AUTS2: variants seen among roughly 807,000 people sequenced by gnomAD.
AUTS2 encodes autism susceptibility gene 2 protein.
Under a neutral mutation model 112.4 loss-of-function variants are expected in AUTS2, and 17 were observed. The ratio of observed to expected loss-of-function variants is 0.15; its 90% CI spans 0.10 to 0.23. The LOEUF is 0.23. AUTS2 is among the 10% of genes least tolerant of loss of function. The probability of loss-of-function intolerance (pLI) is 1.00; values close to 1 mark genes in which losing one functional copy is unlikely to be tolerated. For missense variants in AUTS2, 1,510 were observed against 1,701.6 expected, an observed-to-expected ratio of 0.89 and a Z score of 1.98; for synonymous variants, 751 against 702.7, an observed-to-expected ratio of 1.07 and a Z score of -1.09.
Position 69,650,837 on chromosome 7 carries a change from A to G in AUTS2, c.309+50875A>G, listed in dbSNP as rs149740588. Among the ~76,000 whole-genome samples the G allele has an allele frequency of 2.0e-3, 308 of 152,276 alleles. 1 individual carries two copies. The highest frequency in any genetic ancestry group is 6.5e-3 in the African/African-American group (270 of 41,546). The stretch of plus-strand genomic sequence containing the variant: ...TGTCCCTTGGGTCTCACTATGTGGC[A>G]TGCTGTGTTTCATCTCTTTTCTGTC... On this transcript the variant is annotated intron_variant, in intron 1 of 18. Coordinates refer to ENST00000342771, the MANE Select transcript of AUTS2 (RefSeq NM_015570.4).
intron 1 of AUTS2, among the ~76,000 whole-genome samples, chr7:69,653,329 A>T (rs1795375810): frequency 6.6e-6 from 1 of 152,216 alleles, no homozygotes; most frequent in Non-Finnish European, 1.5e-5. Context: ...CAGATTATGG[A>T]GCCTGAAGAA....
intron 4 of AUTS2, among the ~76,000 whole-genome samples, chr7:70,267,852 GC>G (rs1257244463): frequency 1.3e-5 from 2 of 152,128 alleles, no homozygotes; most frequent in Non-Finnish European, 2.9e-5. Context: ...AGTTGACTAG[GC>G]AGGGATTGCT....
In AUTS2 at chr7:70,688,796, C is replaced by T. The variant is rs140705064; in HGVS notation, c.691-9773C>T. Among the ~76,000 whole-genome samples the T allele has an allele frequency of 3.9e-5, 6 of 152,310 alleles. No homozygotes were observed. In the East Asian group the frequency reaches 9.6e-4, roughly 24 times the overall value. ...CTCTGATTGTGCCACTGCACTCTAG[C>T]CTGGGCAACACAGCAAGACGCCATC... On this transcript the variant is annotated intron_variant, in intron 5 of 18. Coordinates refer to ENST00000342771, the MANE Select transcript of AUTS2 (RefSeq NM_015570.4).
intron 2 of AUTS2, among the ~76,000 whole-genome samples, chr7:69,939,612 G>T (rs993866672): frequency 2.6e-5 from 4 of 152,174 alleles, no homozygotes; most frequent in African/African-American, 9.7e-5. Flanking sequence ...CTGAGTTGAT[G>T]AATATTTGAT....
chr7:69,737,406 C>A (rs574003842), intron 1 of AUTS2, among the ~76,000 whole-genome samples: 50 of 152,244 alleles, frequency 3.3e-4, no homozygotes, highest in African/African-American at 1.2e-3. Context: ...GGTTAGATAA[C>A]TTGCTCAAGG....
At chr7:70,745,244 G>A (rs936196647) in intron 6 of AUTS2, among the ~76,000 whole-genome samples, 5 of 151,952 alleles carry the variant, frequency 3.3e-5, no homozygotes, top group Admixed American at 6.6e-5. Context: ...TTAGTCATTC[G>A]GGCATCATTT....
At chr7:69,697,478 AG>A (rs1797607113) in intron 1 of AUTS2, among the ~76,000 whole-genome samples, 1 of 152,222 alleles carries the variant, frequency 6.6e-6, no homozygotes, top group Non-Finnish European at 1.5e-5. Flanking sequence ...CAATATGAGA[AG>A]TGCTGTGGTG....
At chr7:69,623,243 G>A (rs952661211) in intron 1 of AUTS2, among the ~76,000 whole-genome samples, 1 of 152,004 alleles carries the variant, frequency 6.6e-6, no homozygotes, top group Non-Finnish European at 1.5e-5. Context: ...GTGACAGGGG[G>A]ACAAGGTCTC....
intron 2 of AUTS2, among the ~76,000 whole-genome samples, chr7:70,013,282 G>T (rs550575562): frequency 1.3e-5 from 2 of 152,282 alleles, no homozygotes; most frequent in South Asian, 2.1e-4. Context: ...ACTAACTTGG[G>T]CTGGGAAAAA....
intron 2 of AUTS2, among the ~76,000 whole-genome samples, chr7:70,077,802 A>G (rs1311952820): frequency 1.3e-5 from 2 of 152,226 alleles, no homozygotes; most frequent in East Asian, 3.9e-4. Flanking sequence ...CTGGATGGCA[A>G]TACATCGCTC....
intron 1 of AUTS2, among the ~76,000 whole-genome samples, chr7:69,891,094 A>G (rs1340570762): frequency 6.6e-6 from 1 of 152,178 alleles, no homozygotes; most frequent in Non-Finnish European, 1.5e-5. Context: ...AAGACAGCGA[A>G]CATGTTCACC....
At chr7:69,893,123 T>C (rs1794597205) in intron 1 of AUTS2, among the ~76,000 whole-genome samples, 1 of 152,256 alleles carries the variant, frequency 6.6e-6, no homozygotes, top group Admixed American at 6.5e-5. Flanking sequence ...CAGATGGCAA[T>C]GTGTATGCAC....
In AUTS2 at chr7:69,955,972, A is replaced by G. The variant is rs73168771; in HGVS notation, c.522+56474A>G. Among the ~76,000 whole-genome samples, 897 of 152,272 alleles carry G rather than the reference A, an allele frequency of 5.9e-3. 12 individuals are homozygous for G. Among genetic ancestry groups the G allele is most frequent in the Non-Finnish European group, 6.5e-3 (444 of 68,010 alleles). On this transcript the variant is annotated intron_variant, in intron 2 of 18. Coordinates refer to ENST00000342771, the MANE Select transcript of AUTS2 (RefSeq NM_015570.4). ...ACAGTCCTGATTTCCAGTAGCTCCC[A>G]CAACAACTTCATAAGTATCATAGCC...
At chr7:69,733,286 G>A (rs536882062) in intron 1 of AUTS2, among the ~76,000 whole-genome samples, 1 of 152,124 alleles carries the variant, frequency 6.6e-6, no homozygotes. Context: ...AGCAGAGAGG[G>A]AACTGTTTTT....
intron 1 of AUTS2, among the ~76,000 whole-genome samples, chr7:69,849,197 G>A (rs982772233): frequency 1.3e-5 from 2 of 152,140 alleles, no homozygotes; most frequent in African/African-American, 2.4e-5. Flanking sequence ...ACAACAAGAC[G>A]TGGGGTCCAG....
rs560799247 is a variant in AUTS2, at chr7:70,255,308, G to A, written c.660+120737G>A. Among the ~76,000 whole-genome samples the A allele has an allele frequency of 3.8e-3, 584 of 151,968 alleles. 5 individuals carry two copies. The highest frequency in any genetic ancestry group is 0.013 in the African/African-American group (558 of 41,474). The stretch of plus-strand genomic sequence containing the variant: ...AGGCTGGTCTCGAACTCCTGACCTC[G>A]TTATCCGCCCGCCTCAGCCTCCCAA... On this transcript the variant is annotated intron_variant, in intron 4 of 18. Coordinates refer to ENST00000342771, the MANE Select transcript of AUTS2 (RefSeq NM_015570.4).
intron 5 of AUTS2, among the ~76,000 whole-genome samples, chr7:70,619,674 T>C (rs951569463): frequency 6.6e-6 from 1 of 152,094 alleles, no homozygotes; most frequent in Non-Finnish European, 1.5e-5. Context: ...TATGTAATAA[T>C]TAGCATTTGA....
intron 5 of AUTS2, among the ~76,000 whole-genome samples, chr7:70,626,396 CTT>C (rs1446609460): frequency 7.4e-6 from 1 of 135,266 alleles, no homozygotes; most frequent in African/African-American, 2.7e-5. Flanking sequence ...TATGTAAAAA[CTT>C]TTTTTTTTCT....
chr7:69,972,564 C>T (rs928642060), intron 2 of AUTS2, among the ~76,000 whole-genome samples: 7 of 151,626 alleles, frequency 4.6e-5, no homozygotes, highest in African/African-American at 1.7e-4. Flanking sequence ...TTCCTTTTTT[C>T]CTAAAAGCTT....
Sources: allele counts gnomAD v4.1 joint callset (sites outside exome capture counted in the v4.1 genomes callset), GRCh38; gene constraint gnomAD v4.1.1; transcripts MANE v1.5; gene names NCBI Gene and HGNC (gene_info 2026-07-23, HGNC 2026-07-21).